The following SPOCD1 variants were observed in gnomAD, a reference collection of about 807,000 sequenced individuals.
The protein encoded by SPOCD1 is SPOC domain containing 1.
SPOCD1 carries 64 observed loss-of-function variants against 92.2 expected under a neutral mutation model. That is an observed-to-expected ratio of 0.69 (90% CI 0.57 to 0.86). The LOEUF (loss-of-function observed/expected upper bound fraction) is 0.86. SPOCD1 is among the 40% of genes least tolerant of loss of function. The pLI, the probability that SPOCD1 is intolerant of heterozygous loss-of-function variation, is 0.00. For missense variants in SPOCD1, 1,360 were observed against 1,543.1 expected (o/e 0.88, Z 1.99); for synonymous variants, 578 against 619.3 (o/e 0.93, Z 0.99).
rs778308608 is a variant in SPOCD1 at position 31,800,533 on chromosome 1, G to A, written c.1510C>T (p.Leu504=). The A allele has an allele frequency of 6.2e-7, 1 of 1,612,502 alleles. No homozygotes were observed. The highest frequency in any genetic ancestry group is 1.3e-5 in the African/African-American group (1 of 75,034). Residue 504 remains leucine (L), a synonymous_variant, in exon 4 of 16, where the codon CTA becomes TTA. Coordinates refer to ENST00000360482, the MANE Select transcript of SPOCD1 (RefSeq NM_144569.7). ...GGQLPPKLEV[L]EDLMEVSSPS... is the part of the protein sequence containing the mutation. ...GAGCTGACCTCCATCAAGTCCTCTA[G>A]AACCTCCAGCTTTGGTGGCAGCTGC... is the stretch of plus-strand genomic sequence containing the variant.
At chr1:31,797,331 T>C (rs1648097583) in intron 9 of SPOCD1, among the ~76,000 whole-genome samples, 1 of 152,248 alleles carries the variant, frequency 6.6e-6, no homozygotes, top group Admixed American at 6.5e-5. Flanking sequence ...ATCAGCCTCG[T>C]GGGCATGAGA....
rs551577268 is a variant in SPOCD1 at position 31,798,337 on chromosome 1, G to C, written c.2029-14C>G. On this transcript the variant is annotated splice_polypyrimidine_tract_variant and intron_variant, in intron 8 of 15. Transcript: ENST00000360482. This position sits in a 1 kb window ranked among gnomAD's most constrained non-coding sequence, Gnocchi z 4.1. Reference sequence around the variant, plus strand: ...GAGAAACAAGTCCTGGTGGGGGCAGGGGGCAGGGCTGCACCACACGCTGAA... The same window carrying C: ...GAGAAACAAGTCCTGGTGGGGGCAGCGGGCAGGGCTGCACCACACGCTGAA... 8 of 1,609,394 alleles carry C rather than the reference G, an allele frequency of 5.0e-6. No individual in the cohort carries two copies. In the East Asian group the frequency reaches 8.9e-5, roughly 18 times the overall value.
intron 15 of SPOCD1, chr1:31,791,999 G>A: frequency 1.7e-6 from 1 of 602,350 alleles, no homozygotes; most frequent in East Asian, 2.8e-5. Flanking sequence ...GAGACTACAA[G>A]AATTCATCTA....
intron 2 of SPOCD1, among the ~76,000 whole-genome samples, chr1:31,804,730 A>G (rs1648698518): frequency 6.6e-6 from 1 of 152,158 alleles, no homozygotes; most frequent in Non-Finnish European, 1.5e-5. Flanking sequence ...GAAAATGATG[A>G]AGATGTTGTT....
chr1:31,790,621 G>C lies in SPOCD1; in HGVS notation c.3633C>G (p.Pro1211=), dbSNP rs946848598. 6.4e-7 allele frequency: 1 copy of C among 1,551,764 alleles called. No individual in the cohort carries two copies. Among genetic ancestry groups the C allele is most frequent in the Non-Finnish European group, 8.7e-7 (1 of 1,147,024 alleles). ...AGGAGGGTCAGGCCTTTCTAGGGAA[G>C]GGACACTCAGAGCCAGCTTCATCTG... ...GPTDEAGSEC[P]FPRKA Residue 1211 remains proline (P), a synonymous_variant, in exon 16 of 16, where the codon CCC becomes CCG. Transcript: ENST00000360482.
Position 31,798,670 on chromosome 1 carries a change from A to T in SPOCD1, c.1869-69T>A. The T allele has an allele frequency of 6.5e-7, 1 of 1,547,998 alleles. No homozygotes were observed. The highest frequency in any genetic ancestry group is 8.7e-7 in the Non-Finnish European group (1 of 1,146,576). On this transcript the variant is annotated intron_variant, in intron 7 of 15. Coordinates refer to ENST00000360482, the MANE Select transcript of SPOCD1 (RefSeq NM_144569.7). This position sits in a 1 kb window ranked among gnomAD's most constrained non-coding sequence, Gnocchi z 4.1. Reference sequence around the variant, plus strand: ...TCTCCAGGCACTTAGTCCCAGAGGGAGGCAGCTGGGTGGGCGGCAGGGTCT... The same window carrying T: ...TCTCCAGGCACTTAGTCCCAGAGGGTGGCAGCTGGGTGGGCGGCAGGGTCT...
intron 14 of SPOCD1, 102 bp downstream of exon 14, chr1:31,792,576 A>G (rs1647678711): frequency 1.7e-6 from 2 of 1,172,696 alleles, no homozygotes; most frequent in Admixed American, 2.3e-5. Flanking sequence ...CACTCTGGGA[A>G]CTAGACCCAG....
chr1:31,798,695 T>G lies in SPOCD1; in HGVS notation c.1869-94A>C. ...AGGCAGCTGGGTGGGCGGCAGGGTC[T>G]GGGCCAACTTGTTCCTGTCGTGGGT... On this transcript the variant is annotated intron_variant, in intron 7 of 15. Transcript: ENST00000360482. The surrounding 1 kb of genome is among the most constrained non-coding windows in gnomAD (Gnocchi z 4.1). 2 of 1,391,454 alleles carry G rather than the reference T, an allele frequency of 1.4e-6. No individual in the cohort carries two copies. The highest frequency in any genetic ancestry group is 2.6e-5 in the South Asian group (2 of 77,890). The allele number at this position is 1,391,454 out of a possible 1,614,324, so 86.2% of individuals were successfully genotyped here. A position where few individuals can be genotyped will look rare whatever the true frequency, so the allele number is the denominator to read the frequency against.
chr1:31,799,123 G>A (rs914989549), intron 7 of SPOCD1, among the ~76,000 whole-genome samples: 3 of 152,298 alleles, frequency 2.0e-5, no homozygotes, highest in African/African-American at 7.2e-5. Context: ...CACACTCTAC[G>A]TGAAAGCATT....
Position 31,814,060 on chromosome 1 carries a change from A to T in SPOCD1, c.1274T>A (p.Leu425Gln). 1 of 1,613,640 alleles carries T rather than the reference A, an allele frequency of 6.2e-7. No individual in the cohort carries two copies. The highest frequency in any genetic ancestry group is 1.1e-5 in the South Asian group (1 of 90,902). Residue 425 changes from leucine to glutamine, a missense_variant, in exon 2 of 16, where the codon CTG becomes CAG. This residue lies in a region of SPOCD1 where 606 missense variants were observed against 601.5 expected (regional missense o/e 1.01). Coordinates refer to ENST00000360482, the MANE Select transcript of SPOCD1 (RefSeq NM_144569.7). This position sits in a 1 kb window ranked among gnomAD's most constrained non-coding sequence, Gnocchi z 4.2. ...GGCACAGGGCACTGGACCTTTCTTC[A>T]GGTTCTTAGTGCCCTTGGATCTTCT... ...EQRRSKGTKNLKKGPVPCAQD... is the reference protein window; with the variant it reads ...EQRRSKGTKNQKKGPVPCAQD...
At chr1:31,794,315 G>T in intron 10 of SPOCD1, 80 bp from the exon 11 acceptor site, 1 of 877,158 alleles carries the variant, frequency 1.1e-6, no homozygotes, top group Non-Finnish European at 1.8e-6. Flanking sequence ...GGGGCCCCAG[G>T]ATGTGGTTTA....
intron 2 of SPOCD1, among the ~76,000 whole-genome samples, chr1:31,807,453 A>T (rs1343584860): frequency 3.8e-5 from 4 of 105,948 alleles, no homozygotes; most frequent in Non-Finnish European, 4.0e-5. Context: ...GGGACTTTTA[A>T]ATAACAGATA....
chr1:31,805,773 G>GT (rs1188797930), intron 2 of SPOCD1, among the ~76,000 whole-genome samples: 1 of 151,742 alleles, frequency 6.6e-6, no homozygotes, highest in African/African-American at 2.4e-5. Context: ...AAATAAATCA[G>GT]TAACTATAAC....
intron 10 of SPOCD1, chr1:31,796,381 A>C (rs966530006): frequency 1.4e-6 from 1 of 733,028 alleles, no homozygotes; most frequent in Non-Finnish European, 2.3e-6. Flanking sequence ...GAGGACCGAC[A>C]GTGACAAGGC....
chr1:31,808,757 C>A (rs1310163710), intron 2 of SPOCD1, among the ~76,000 whole-genome samples: 1 of 151,190 alleles, frequency 6.6e-6, no homozygotes, highest in Non-Finnish European at 1.5e-5. Flanking sequence ...CAAAAACTGT[C>A]ATTTGTCTAC....
At chr1:31,794,072 C>T (rs1647815262) in intron 11 of SPOCD1, 52 bp downstream of exon 11, 5 of 1,574,162 alleles carry the variant, frequency 3.2e-6, no homozygotes, top group Non-Finnish European at 3.5e-6. Context: ...GAACTGCACG[C>T]TCAGCCCCAG....
Position 31,798,564 on chromosome 1 carries a change from C to T in SPOCD1, c.1906G>A (p.Val636Met). The T allele has an allele frequency of 6.2e-7, 1 of 1,613,642 alleles. No individual in the cohort carries two copies. The highest frequency in any genetic ancestry group is 8.5e-7 in the Non-Finnish European group (1 of 1,179,972). Residue 636 changes from valine (V) to methionine (M), a missense_variant, in exon 8 of 16, where the codon GTG becomes ATG. Physicochemically the swap from Val to Met is conservative, Grantham distance 21 (BLOSUM62 1). Coordinates refer to ENST00000360482, the MANE Select transcript of SPOCD1 (RefSeq NM_144569.7). The surrounding 1 kb of genome is among the most constrained non-coding windows in gnomAD (Gnocchi z 4.1). ...ELPDPVLSEE[V>M]VEGIAAGIEA... ...ATGCCAGCAGCAATGCCCTCCACCACCTCCTCACTCAGCACTGGGTCTGGG... is the reference window on the plus strand; with the variant it reads ...ATGCCAGCAGCAATGCCCTCCACCATCTCCTCACTCAGCACTGGGTCTGGG...
At chr1:31,792,943 C>T (rs1022575890) in intron 13 of SPOCD1, among the ~76,000 whole-genome samples, 176 bp from the exon 14 acceptor site, 4 of 152,206 alleles carry the variant, frequency 2.6e-5, no homozygotes, top group Admixed American at 6.5e-5. Flanking sequence ...GCAGCCTGTA[C>T]TGGCTAATCT....
Position 31,815,385 on chromosome 1 carries a change from A to AG in SPOCD1, c.-39-14dup. On this transcript the variant is annotated splice_polypyrimidine_tract_variant and intron_variant, in intron 1 of 15. Coordinates refer to ENST00000360482, the MANE Select transcript of SPOCD1 (RefSeq NM_144569.7). ...CACAACACGGGCCCTGTGTGGAGAC[A>AG]GAAAGAGGAGACTTTGTCTTGGAGA... The AG allele has an allele frequency of 6.7e-7, 1 of 1,492,836 alleles. No homozygotes were observed. The highest frequency in any genetic ancestry group is 1.4e-5 in the South Asian group (1 of 70,134). 92.5% of individuals were successfully genotyped at this position (1,492,836 alleles called of 1,614,324 possible).
Sources: allele counts gnomAD v4.1 joint callset (sites outside exome capture counted in the v4.1 genomes callset), GRCh38; gene constraint gnomAD v4.1.1; regional missense constraint gnomAD v4.1.1; non-coding constraint Gnocchi (gnomAD v3.1); transcripts MANE v1.5; gene names NCBI Gene and HGNC (gene_info 2026-07-23, HGNC 2026-07-21).